The following SAR1B variants were observed in gnomAD, a reference collection of about 807,000 sequenced individuals.
SAR1B encodes the protein small COPII coat GTPase SAR1B.
In SAR1B, 23 loss-of-function variants were observed where a neutral mutation model predicts 26.8. That is an observed-to-expected ratio of 0.86 (90% CI 0.62 to 1.22). The LOEUF (loss-of-function observed/expected upper bound fraction) is 1.22. Among genes scored for constraint, SAR1B ranks in the 50% most tolerant of loss-of-function variants. The pLI is 0.00. For synonymous variants in SAR1B, 65 were observed against 80.8 expected (o/e 0.80, Z 1.05); for missense variants, 196 against 232.8 (o/e 0.84, Z 1.03).
rs66854508 is a variant in SAR1B at position 134,624,625 on chromosome 5, GTT to G, written c.-18-590_-18-589del. Among the ~76,000 whole-genome samples the G allele has an allele frequency of 1.2e-3, 135 of 113,226 alleles. No individual in the cohort carries two copies. The Middle Eastern group carries it at 0.023, about 20-fold the overall frequency. 74.3% of individuals were successfully genotyped at this position (113,226 alleles called of 152,430 possible). On this transcript the variant is annotated intron_variant, in intron 1 of 6. Transcript: ENST00000402673. ...GTTGGAAATGGGATAAGGGAAGTGA[GTT>G]TTTTTTTTTTTTTTTTTTGAGACAG... is the stretch of plus-strand genomic sequence containing the variant.
rs1580646088 is a variant in SAR1B, at chr5:134,608,633, T to G, written c.349-130A>C. 3 of 1,000,482 alleles carry G rather than the reference T, an allele frequency of 3.0e-6. No homozygotes were observed. The African/African-American group carries it at 4.8e-5, about 16-fold the overall frequency. The allele number at this position is 1,000,482 out of a possible 1,614,324, so 62.0% of individuals were successfully genotyped here. On this transcript the variant is annotated intron_variant, in intron 5 of 6. Transcript: ENST00000402673. ...GTCATACCAACGTTCTTTGTCAAAC[T>G]TTCCCCACATTTTAAAGTGACCTCA...
intron 1 of SAR1B, among the ~76,000 whole-genome samples, chr5:134,630,244 T>C (rs1340949975): frequency 1.3e-5 from 2 of 151,326 alleles, no homozygotes; most frequent in Non-Finnish European, 2.9e-5. Flanking sequence ...TCACCTGAGG[T>C]TGGGAGTTCG....
At position 134,624,021 on chromosome 5, in the gene SAR1B, T is replaced by C; in HGVS notation, c.-2A>G. On this transcript the variant is annotated 5_prime_UTR_variant, in exon 2 of 7. Transcript: ENST00000402673. ...AATCCAATCAAATATGAAGGACATATCCAAATCTGATAGGGTCTGAAAAAA... is the reference window on the plus strand; with the variant it reads ...AATCCAATCAAATATGAAGGACATACCCAAATCTGATAGGGTCTGAAAAAA... 1.2e-6 allele frequency: 2 copies of C among 1,605,048 alleles called. No homozygotes were observed. Among genetic ancestry groups the C allele is most frequent in the Non-Finnish European group, 1.7e-6 (2 of 1,171,884 alleles).
At chr5:134,630,765 C>T (rs1457879575) in intron 1 of SAR1B, among the ~76,000 whole-genome samples, 3 of 139,142 alleles carry the variant, frequency 2.2e-5, no homozygotes, top group Admixed American at 7.6e-5. Flanking sequence ...GGCGATAGAG[C>T]GAGACTCCGT....
Position 134,605,659 on chromosome 5 carries a change from C to CAAAAAAAAAAAAAAAAAAAAAAACCA in SAR1B, c.*1290_*1291insTGGTTTTTTTTTTTTTTTTTTTTTTT. On this transcript the variant is annotated 3_prime_UTR_variant, in exon 7 of 7. Transcript: ENST00000402673. The stretch of plus-strand genomic sequence containing the variant: ...GTCTCTAAAACAAAATGAAACAGAG[C>CAAAAAAAAAAAAAAAAAAAAAAACCA]AAAAAAAAAAAAAAAAAAAAAGCCC... 1 of 35,024 alleles carries CAAAAAAAAAAAAAAAAAAAAAAACCA rather than the reference C, an allele frequency of 2.9e-5. No individual in the cohort carries two copies. The highest frequency in any genetic ancestry group is 5.9e-5 in the Non-Finnish European group (1 of 16,908). The allele number at this position is 35,024 out of a possible 1,614,324, so 2.2% of individuals were successfully genotyped here.
chr5:134,616,996 C>A (rs1453694825), intron 3 of SAR1B, among the ~76,000 whole-genome samples: 1 of 152,102 alleles, frequency 6.6e-6, no homozygotes, highest in Non-Finnish European at 1.5e-5. Context: ...CTTTGGGAGG[C>A]TGGATGGGAG....
At chr5:134,627,552 A>AAAC in intron 1 of SAR1B, among the ~76,000 whole-genome samples, 1 of 147,986 alleles carries the variant, frequency 6.8e-6, no homozygotes, top group Middle Eastern at 3.3e-3. Flanking sequence ...TAATCCCAGC[A>AAAC]CTTTGGGAGG....
At chr5:134,608,687 T>C (rs1765168968) in intron 5 of SAR1B, among the ~76,000 whole-genome samples, 184 bp from the exon 6 acceptor site, 1 of 152,234 alleles carries the variant, frequency 6.6e-6, no homozygotes, top group African/African-American at 2.4e-5. Context: ...TTCTTCTGTC[T>C]TCCTAAGGCT....
Position 134,603,732 on chromosome 5 carries a change from G to A in SAR1B, c.*3218C>T. The A allele has an allele frequency of 6.6e-6, 1 of 152,230 alleles. No homozygotes were observed. Among genetic ancestry groups the A allele is most frequent in the East Asian group, 1.9e-4 (1 of 5,202 alleles). 9.4% of individuals were successfully genotyped at this position (152,230 alleles called of 1,614,324 possible). On this transcript the variant is annotated 3_prime_UTR_variant, in exon 7 of 7. Transcript: ENST00000402673. ...GAGAATCACTTGAACCCCGGAGGTG[G>A]AGGTTGCAGTAAGCAGAGATTGTGC...
intron 1 of SAR1B, among the ~76,000 whole-genome samples, chr5:134,626,744 T>A (rs991995308): frequency 2.6e-5 from 4 of 152,166 alleles, no homozygotes; most frequent in African/African-American, 9.6e-5. Context: ...ATATCCTGGA[T>A]AGATAAATCC....
chr5:134,609,017 G>T (rs1464894558), intron 5 of SAR1B: 1 of 451,516 alleles, frequency 2.2e-6, no homozygotes, highest in African/African-American at 2.0e-5. Context: ...TGCCTGCTCT[G>T]GGCAGAGCCA....
At position 134,602,937 on chromosome 5, in the gene SAR1B, T is replaced by C. The variant is rs531675740; in HGVS notation, c.*4013A>G. On this transcript the variant is annotated 3_prime_UTR_variant, in exon 7 of 7. Transcript: ENST00000402673. Reference sequence around the variant, plus strand: ...GCAGTTTTGATAATTTAGTCCTTAATTGAAGCACACTGTTTTTCTAAACTC... The same window carrying C: ...GCAGTTTTGATAATTTAGTCCTTAACTGAAGCACACTGTTTTTCTAAACTC... The C allele has an allele frequency of 2.0e-5, 3 of 152,296 alleles. No individual in the cohort carries two copies. The highest frequency in any genetic ancestry group is 2.1e-4 in the South Asian group (1 of 4,830). The allele number at this position is 152,296 out of a possible 1,614,324, so 9.4% of individuals were successfully genotyped here.
At position 134,617,419 on chromosome 5, in the gene SAR1B, T is replaced by C. The variant is rs192935816; in HGVS notation, c.178+3514A>G. On this transcript the variant is annotated intron_variant, in intron 3 of 6. Coordinates refer to ENST00000402673, the MANE Select transcript of SAR1B (RefSeq NM_016103.4). ...TTTTCCTTTTCAAAAATGTTTTCTT[T>C]TCCACACCAGAATAGATCACATATG... Among the ~76,000 whole-genome samples the C allele has an allele frequency of 5.8e-3, 884 of 152,302 alleles. 7 individuals carry two copies. The highest frequency in any genetic ancestry group is 0.02 in the African/African-American group (851 of 41,566).
intron 3 of SAR1B, chr5:134,618,043 C>T (rs889685006): frequency 6.6e-6 from 1 of 152,146 alleles, no homozygotes; most frequent in Non-Finnish European, 1.5e-5. Context: ...GTTGGCCGGG[C>T]GCAGTGGCTG....
chr5:134,629,215 A>C (rs907947781), intron 1 of SAR1B, among the ~76,000 whole-genome samples: 2 of 151,422 alleles, frequency 1.3e-5, no homozygotes, highest in Admixed American at 1.3e-4. Context: ...TGAACCCAGG[A>C]GTTTCAGACC....
intron 3 of SAR1B, among the ~76,000 whole-genome samples, chr5:134,618,812 A>G (rs1345374088): frequency 6.6e-6 from 1 of 152,074 alleles, no homozygotes; most frequent in Non-Finnish European, 1.5e-5. Context: ...AGCCTGGCCA[A>G]CATGGCGAAA....
intron 1 of SAR1B, among the ~76,000 whole-genome samples, chr5:134,628,110 C>T (rs1765530821): frequency 6.6e-6 from 1 of 151,610 alleles, no homozygotes; most frequent in South Asian, 2.1e-4. Context: ...CTGCACTGCA[C>T]TCCAGCCGGG....
In SAR1B at chr5:134,608,437, G is replaced by T; in HGVS notation, c.415C>A (p.Pro139Thr). The change falls in exon 6 of 7, where the codon CCT becomes ACT. Residue 139 changes from proline (P) to threonine (T), a missense_variant. Physicochemically the swap from Pro to Thr is conservative, Grantham distance 38. Coordinates refer to ENST00000402673, the MANE Select transcript of SAR1B (RefSeq NM_016103.4). ...AACCTCTCTTCACTGATGGCTTCAG[G>T]TCTGTCGATCTTATTCCCAAGAATC... The part of the protein sequence containing the change: ...ILILGNKIDR[P>T]EAISEERLRE... 6.2e-7 allele frequency: 1 copy of T among 1,610,390 alleles called. No individual in the cohort carries two copies.
chr5:134,615,463 C>T (rs1482288184), intron 3 of SAR1B, among the ~76,000 whole-genome samples: 3 of 151,196 alleles, frequency 2.0e-5, no homozygotes, highest in Admixed American at 6.6e-5. Context: ...TGCAGTGAGC[C>T]GAGATTGCGC....
Sources: allele counts gnomAD v4.1 joint callset (sites outside exome capture counted in the v4.1 genomes callset), GRCh38; gene constraint gnomAD v4.1.1; transcripts MANE v1.5; gene names NCBI Gene and HGNC (gene_info 2026-07-23, HGNC 2026-07-21).